The following HS3ST2 variants were observed in gnomAD, a reference collection of about 807,000 sequenced individuals.
The protein encoded by HS3ST2 is heparan sulfate glucosamine 3-O-sulfotransferase 2.
Under a neutral mutation model 26.3 loss-of-function variants are expected in HS3ST2, and 17 were observed. The observed-to-expected ratio is 0.65, with a 90% CI of 0.44 to 0.97. The LOEUF is 0.97. Among genes scored for constraint, HS3ST2 ranks in the 50% least tolerant of loss-of-function variants. HS3ST2 has a pLI of 0.00. For synonymous variants in HS3ST2, 237 were observed against 219.2 expected, an observed-to-expected ratio of 1.08 and a Z score of -0.72; for missense variants, 402 against 501.2, an observed-to-expected ratio of 0.80 and a Z score of 1.89.
chr16:22,902,032 G>T (rs967943250), intron 1 of HS3ST2, among the ~76,000 whole-genome samples: 1 of 152,192 alleles, frequency 6.6e-6, no homozygotes, highest in Non-Finnish European at 1.5e-5. Context: ...ATTTTCCAAA[G>T]ATAATAACTG....
chr16:22,902,873 C>G (rs1320493137), intron 1 of HS3ST2, among the ~76,000 whole-genome samples: 4 of 152,114 alleles, frequency 2.6e-5, no homozygotes. Context: ...CTTTCTTCTA[C>G]TGGCTAGTTC....
At chr16:22,887,259 G>A (rs1211866828) in intron 1 of HS3ST2, among the ~76,000 whole-genome samples, 2 of 152,130 alleles carry the variant, frequency 1.3e-5, no homozygotes, top group Non-Finnish European at 2.9e-5. Context: ...ATTTGTTTGG[G>A]TGGCTTATAC....
At chr16:22,899,500 G>A (rs907308327) in intron 1 of HS3ST2, among the ~76,000 whole-genome samples, 2 of 152,198 alleles carry the variant, frequency 1.3e-5, no homozygotes, top group African/African-American at 2.4e-5. Context: ...AAATAGTCAT[G>A]CAGAGCTAGA....
In HS3ST2 at chr16:22,846,357, G is replaced by A. The variant is rs113996876; in HGVS notation, c.485+31262G>A. ...TATTGTTGGCTGTGGTCAGTGCTGC[G>A]CCCAATAATCTCATTGCAAACCCTT... On this transcript the variant is annotated intron_variant, in intron 1 of 1. Transcript: ENST00000261374. Among the ~76,000 whole-genome samples, 337 of 151,718 alleles carry A rather than the reference G, an allele frequency of 2.2e-3. 1 individual carries two copies. The highest frequency in any genetic ancestry group is 7.8e-3 in the African/African-American group (321 of 41,362).
At position 22,820,169 on chromosome 16, in the gene HS3ST2, A is replaced by C. The variant is rs374469254; in HGVS notation, c.485+5074A>C. Among the ~76,000 whole-genome samples, 624 of 149,596 alleles carry C rather than the reference A, an allele frequency of 4.2e-3. 2 individuals are homozygous for C. Among genetic ancestry groups the C allele is most frequent in the African/African-American group, 0.015 (596 of 40,568 alleles). ...TTAAATGAAACCATTGAGTCCATAAACCCCCCCCCATTTGTCTTGCAGCAC... is the reference window on the plus strand; with the variant it reads ...TTAAATGAAACCATTGAGTCCATAACCCCCCCCCCATTTGTCTTGCAGCAC... On this transcript the variant is annotated intron_variant, in intron 1 of 1. Coordinates refer to ENST00000261374, the MANE Select transcript of HS3ST2 (RefSeq NM_006043.2).
At chr16:22,890,342 C>T (rs1902112073) in intron 1 of HS3ST2, among the ~76,000 whole-genome samples, 1 of 151,996 alleles carries the variant, frequency 6.6e-6, no homozygotes, top group Admixed American at 6.6e-5. Context: ...TGTTTTTCAC[C>T]ATAATAGAAT....
intron 1 of HS3ST2, among the ~76,000 whole-genome samples, chr16:22,876,500 T>C (rs879310124): frequency 1.3e-5 from 2 of 152,130 alleles, no homozygotes; most frequent in Non-Finnish European, 2.9e-5. Flanking sequence ...ACATAATAGA[T>C]GTTGGCATGG....
intron 1 of HS3ST2, among the ~76,000 whole-genome samples, chr16:22,877,124 T>C (rs1248818243): frequency 6.6e-6 from 1 of 152,106 alleles, no homozygotes; most frequent in Non-Finnish European, 1.5e-5. Flanking sequence ...CAAAAGCTTA[T>C]TGAAATACAA....
intron 1 of HS3ST2, among the ~76,000 whole-genome samples, chr16:22,831,192 G>T (rs934024635): frequency 6.6e-6 from 1 of 152,238 alleles, no homozygotes; most frequent in African/African-American, 2.4e-5. Flanking sequence ...GATGTGATTA[G>T]ATGACATTTA....
At chr16:22,874,464 C>T (rs1346058094) in intron 1 of HS3ST2, among the ~76,000 whole-genome samples, 1 of 152,212 alleles carries the variant, frequency 6.6e-6, no homozygotes, top group Non-Finnish European at 1.5e-5. Context: ...ACACCGCTGT[C>T]CTCAAGCCTG....
chr16:22,824,266 G>A (rs1901047251), intron 1 of HS3ST2, among the ~76,000 whole-genome samples: 1 of 152,140 alleles, frequency 6.6e-6, no homozygotes, highest in African/African-American at 2.4e-5. Context: ...AACATGACAT[G>A]GGCTGGGCGT....
At chr16:22,914,736 C>CAAAAAAAAAAAAAAAAA (rs1159639879) in intron 1 of HS3ST2, among the ~76,000 whole-genome samples, 4 of 35,948 alleles carry the variant, frequency 1.1e-4, no homozygotes, top group African/African-American at 3.9e-4. Context: ...GACCTTGTCT[C>CAAAAAAAAAAAAAAAAA]AAAAAAAAAA....
At chr16:22,822,638 G>C (rs1239236697) in intron 1 of HS3ST2, among the ~76,000 whole-genome samples, 1 of 152,124 alleles carries the variant, frequency 6.6e-6, no homozygotes, top group Non-Finnish European at 1.5e-5. Flanking sequence ...TGGATCACCT[G>C]AGGTCAGGAG....
At chr16:22,853,062 A>G (rs574220297) in intron 1 of HS3ST2, among the ~76,000 whole-genome samples, 75 of 152,314 alleles carry the variant, frequency 4.9e-4, no homozygotes, top group African/African-American at 1.8e-3. Flanking sequence ...TTAACTTTGC[A>G]TATAGCAGCA....
chr16:22,823,395 G>A (rs1378048848), intron 1 of HS3ST2, among the ~76,000 whole-genome samples: 1 of 152,120 alleles, frequency 6.6e-6, no homozygotes, highest in Non-Finnish European at 1.5e-5. Context: ...GTGTGATTTG[G>A]TGGTATTTAG....
intron 1 of HS3ST2, among the ~76,000 whole-genome samples, chr16:22,837,368 T>C (rs1200028700): frequency 6.6e-6 from 1 of 151,828 alleles, no homozygotes; most frequent in Non-Finnish European, 1.5e-5. Context: ...TATAGGAGTT[T>C]TCCACCTTGA....
intron 1 of HS3ST2, among the ~76,000 whole-genome samples, chr16:22,853,812 G>A (rs1357885095): frequency 3.3e-5 from 5 of 152,202 alleles, no homozygotes; most frequent in African/African-American, 4.8e-5. Flanking sequence ...TCTCCCCAGC[G>A]TCCGCAGCCA....
At chr16:22,838,822 C>A (rs986979751) in intron 1 of HS3ST2, among the ~76,000 whole-genome samples, 1 of 152,166 alleles carries the variant, frequency 6.6e-6, no homozygotes, top group Non-Finnish European at 1.5e-5. Context: ...CCTCTTGAAG[C>A]CTGGGAGAGA....
intron 1 of HS3ST2, among the ~76,000 whole-genome samples, chr16:22,892,610 C>G (rs568161000): frequency 4.6e-5 from 7 of 152,180 alleles, no homozygotes; most frequent in African/African-American, 1.7e-4. Context: ...TATTATTTCA[C>G]CACTTTAAAT....
Sources: gnomAD v4.1 joint callset for allele counts (sites outside exome capture counted in the v4.1 genomes callset) on GRCh38, gnomAD v4.1.1 for gene constraint, MANE v1.5 for transcripts, NCBI Gene and HGNC (gene_info 2026-07-23, HGNC 2026-07-21) for gene names.